CTNNA2: variants seen among roughly 807,000 people sequenced by gnomAD.
CTNNA2 encodes the protein catenin alpha 2.
CTNNA2 carries 42 observed loss-of-function variants against 101.0 expected under a neutral mutation model. That is an observed-to-expected ratio of 0.42 (90% CI 0.32 to 0.54). The LOEUF (loss-of-function observed/expected upper bound fraction) is 0.54, where lower values mean the gene tolerates loss of function less well. Ranked by LOEUF, CTNNA2 falls within the 20% of genes least tolerant of loss-of-function variation. CTNNA2 has a pLI of 0.14. For missense variants in CTNNA2, 871 were observed against 1,223.1 expected (o/e 0.71, Z 4.29); for synonymous variants, 450 against 456.4 (o/e 0.99, Z 0.18).
At chr2:79,394,620 T>A (rs1402382372) in intron 4 of CTNNA2, among the ~76,000 whole-genome samples, 1 of 152,108 alleles carries the variant, frequency 6.6e-6, no homozygotes, top group East Asian at 1.9e-4. Flanking sequence ...AACTGGTAAA[T>A]CAGATCTCTG....
intron 1 of CTNNA2, among the ~76,000 whole-genome samples, chr2:79,602,246 T>C (rs1449216492): frequency 6.6e-6 from 1 of 152,158 alleles, no homozygotes; most frequent in Non-Finnish European, 1.5e-5. Flanking sequence ...AGAAATGGTT[T>C]TTAACATAAT....
At chr2:79,819,872 G>C (rs953957805) in intron 3 of CTNNA2, among the ~76,000 whole-genome samples, 1 of 151,848 alleles carries the variant, frequency 6.6e-6, no homozygotes, top group Non-Finnish European at 1.5e-5. Flanking sequence ...TTCTATGCTT[G>C]TATCAAAATA....
At chr2:80,321,548 G>A (rs1364730230) in intron 7 of CTNNA2, among the ~76,000 whole-genome samples, 1 of 152,160 alleles carries the variant, frequency 6.6e-6, no homozygotes, top group Admixed American at 6.5e-5. Flanking sequence ...ATAATTTGTG[G>A]TGTATGAATT....
intron 1 of CTNNA2, among the ~76,000 whole-genome samples, chr2:79,196,249 A>G (rs759594861): frequency 4.2e-4 from 64 of 152,184 alleles, no homozygotes; most frequent in Non-Finnish European, 7.8e-4. Flanking sequence ...AGTTTTAAGT[A>G]TCTAGAGTTT....
At position 79,484,052 on chromosome 2, in the gene CTNNA2, G is replaced by A. The variant is rs1464357394; in HGVS notation, c.-134-21002G>A. Among the ~76,000 whole-genome samples, 5 of 152,018 alleles carry A rather than the reference G, an allele frequency of 3.3e-5. No homozygotes were observed. In the East Asian group the frequency reaches 9.7e-4, roughly 29 times the overall value. The stretch of plus-strand genomic sequence containing the variant: ...GATCCCAGGAATTCAAGATCAGCCT[G>A]GGCCACGAGGCAAAACCCTATCTCT... On this transcript the variant is annotated intron_variant, in intron 4 of 21. Transcript: ENST00000466387.
intron 4 of CTNNA2, among the ~76,000 whole-genome samples, chr2:79,421,410 A>G (rs1247844078): frequency 1.3e-5 from 2 of 152,186 alleles, no homozygotes. Flanking sequence ...TTATCCGAAA[A>G]GGGCTAGTAA....
At chr2:79,328,454 G>A (rs1217214667) in intron 3 of CTNNA2, among the ~76,000 whole-genome samples, 1 of 152,148 alleles carries the variant, frequency 6.6e-6, no homozygotes, top group Non-Finnish European at 1.5e-5. Context: ...CTAGACATAT[G>A]AATTTGGGGA....
At chr2:79,581,748 C>T (rs1352740907) in intron 1 of CTNNA2, among the ~76,000 whole-genome samples, 2 of 152,004 alleles carry the variant, frequency 1.3e-5, no homozygotes, top group African/African-American at 4.8e-5. Flanking sequence ...GAACGAGTGG[C>T]GTAATCACAT....
chr2:79,770,501 G>A (rs1673496164), intron 3 of CTNNA2, among the ~76,000 whole-genome samples: 1 of 152,134 alleles, frequency 6.6e-6, no homozygotes, highest in Non-Finnish European at 1.5e-5. Flanking sequence ...TAAGTAAAGG[G>A]TAACACTAAA....
intron 18 of CTNNA2, among the ~76,000 whole-genome samples, chr2:80,639,112 G>C (rs1342458767): frequency 6.6e-6 from 1 of 152,210 alleles, no homozygotes; most frequent in Non-Finnish European, 1.5e-5. Flanking sequence ...TGCTTTACAA[G>C]ATCCTGTTAT....
At chr2:79,721,319 G>A (rs778102461) in intron 2 of CTNNA2, among the ~76,000 whole-genome samples, 3 of 152,156 alleles carry the variant, frequency 2.0e-5, no homozygotes, top group Admixed American at 6.5e-5. Context: ...CCTTCTTGCT[G>A]TGTCATAAAA....
chr2:79,850,407 C>T (rs1680608096), intron 3 of CTNNA2, among the ~76,000 whole-genome samples: 1 of 139,610 alleles, frequency 7.2e-6, no homozygotes, highest in Non-Finnish European at 1.5e-5. Flanking sequence ...CCCTCCCTTT[C>T]TCCTTCTCTC....
At chr2:80,280,364 G>A (rs1461671153) in intron 7 of CTNNA2, among the ~76,000 whole-genome samples, 1 of 151,286 alleles carries the variant, frequency 6.6e-6, no homozygotes, top group Non-Finnish European at 1.5e-5. Context: ...CCATAAGTTG[G>A]TCTATACATA....
intron 7 of CTNNA2, among the ~76,000 whole-genome samples, chr2:80,135,743 GC>G (rs558045197): frequency 6.6e-6 from 1 of 152,122 alleles, no homozygotes; most frequent in Non-Finnish European, 1.5e-5. Flanking sequence ...TCCAGAAACT[GC>G]ATTGGGAGAC....
intron 7 of CTNNA2, among the ~76,000 whole-genome samples, chr2:80,058,003 C>A (rs574433943): frequency 6.6e-6 from 1 of 152,296 alleles, no homozygotes; most frequent in Admixed American, 6.5e-5. Context: ...TCCATAGTAG[C>A]TCCTAGAGAG....
chr2:79,239,662 C>T (rs937607467), intron 2 of CTNNA2, among the ~76,000 whole-genome samples: 2 of 152,038 alleles, frequency 1.3e-5, no homozygotes, highest in African/African-American at 2.4e-5. Context: ...ACAAAATTGC[C>T]AAAAGCAATT....
chr2:80,166,929 C>T lies in CTNNA2; in HGVS notation c.1057-226282C>T, dbSNP rs117544522. ...GTTGGGTCTTTTTTTTTGTCTGTGC[C>T]GTCAGCTTCAAGTGTAAGATATTAC... On this transcript the variant is annotated intron_variant, in intron 7 of 18. Coordinates refer to ENST00000402739, the MANE Select transcript of CTNNA2 (RefSeq NM_001282597.3). Among the ~76,000 whole-genome samples the T allele has an allele frequency of 7.0e-4, 106 of 151,882 alleles. No individual in the cohort carries two copies. The East Asian group carries it at 0.02, about 28-fold the overall frequency.
intron 7 of CTNNA2, among the ~76,000 whole-genome samples, chr2:79,996,902 G>T (rs946810542): frequency 6.6e-6 from 1 of 152,100 alleles, no homozygotes; most frequent in African/African-American, 2.4e-5. Flanking sequence ...ACTCAGTTGG[G>T]GGAGAGTCGT....
At chr2:79,623,628 A>T (rs1364678526) in intron 1 of CTNNA2, among the ~76,000 whole-genome samples, 2 of 152,146 alleles carry the variant, frequency 1.3e-5, no homozygotes, top group Admixed American at 1.3e-4. Context: ...AGATTGGGAA[A>T]ATTATTCAAA....
Sources: allele counts gnomAD v4.1 joint callset (sites outside exome capture counted in the v4.1 genomes callset), GRCh38; gene constraint gnomAD v4.1.1; transcripts MANE v1.5; gene names NCBI Gene and HGNC (gene_info 2026-07-23, HGNC 2026-07-21).